The following PRKCZ variants were observed in gnomAD, a reference collection of about 807,000 sequenced individuals.
The protein encoded by PRKCZ is protein kinase C zeta type.
PRKCZ carries 33 observed loss-of-function variants against 79.5 expected under a neutral mutation model. The observed-to-expected ratio is 0.41, with a 90% CI of 0.31 to 0.55. The LOEUF is 0.55. Ranked by LOEUF, PRKCZ falls within the 20% of genes least tolerant of loss-of-function variation. The pLI, the probability that PRKCZ is intolerant of heterozygous loss-of-function variation, is 0.19. For synonymous variants in PRKCZ, 342 were observed against 320.9 expected (o/e 1.07, Z -0.70); for missense variants, 578 against 813.5 (o/e 0.71, Z 3.52).
chr1:2,102,234 A>G (rs1476979649), intron 4 of PRKCZ, among the ~76,000 whole-genome samples: 2 of 151,434 alleles, frequency 1.3e-5, no homozygotes, highest in Non-Finnish European at 2.9e-5. Flanking sequence ...CCCAGGATGG[A>G]TGGGTGGGTA....
chr1:2,086,796 G>A (rs907927909), intron 4 of PRKCZ, among the ~76,000 whole-genome samples: 4 of 152,204 alleles, frequency 2.6e-5, no homozygotes, highest in African/African-American at 9.6e-5. Flanking sequence ...CATCTGCACA[G>A]CGTGAGCCTG....
intron 4 of PRKCZ, among the ~76,000 whole-genome samples, chr1:2,084,712 G>C (rs893543800): frequency 3.2e-4 from 49 of 152,128 alleles, no homozygotes; most frequent in African/African-American, 1.2e-3. Flanking sequence ...GTGGAGGTCA[G>C]ATGTGGGGTC....
Position 2,165,027 on chromosome 1 carries a change from G to A in PRKCZ, c.975-4491G>A, listed in dbSNP as rs138285719. On this transcript the variant is annotated intron_variant, in intron 10 of 17. Coordinates refer to ENST00000378567, the MANE Select transcript of PRKCZ (RefSeq NM_002744.6). The surrounding 1 kb of genome is among the most constrained non-coding windows in gnomAD (Gnocchi z 4.1). Reference sequence around the variant, plus strand: ...GCCTTTGCACGTGAGCCCCATTGTCGCTGGGACACACTGCCCTCCAGTGCT... The same window carrying A: ...GCCTTTGCACGTGAGCCCCATTGTCACTGGGACACACTGCCCTCCAGTGCT... Among the ~76,000 whole-genome samples, 4 of 152,206 alleles carry A rather than the reference G, an allele frequency of 2.6e-5. No individual in the cohort carries two copies. Among genetic ancestry groups the A allele is most frequent in the Non-Finnish European group, 4.4e-5 (3 of 68,046 alleles).
intron 2 of PRKCZ, 44 bp from the exon 3 acceptor site, chr1:2,056,440 C>G (rs1470516072): frequency 6.4e-7 from 1 of 1,573,408 alleles, no homozygotes; most frequent in Non-Finnish European, 8.7e-7. Flanking sequence ...CCCCCTTTGC[C>G]TCGGGCCTTC....
At chr1:2,066,962 TA>T (rs1288211948) in intron 4 of PRKCZ, among the ~76,000 whole-genome samples, 3 of 152,238 alleles carry the variant, frequency 2.0e-5, no homozygotes, top group Admixed American at 6.5e-5. Flanking sequence ...GAAATGTTGA[TA>T]TGTTGTGTTT....
At position 2,104,723 on chromosome 1, in the gene PRKCZ, CG is replaced by C. The variant is rs1460879048; in HGVS notation, c.335-30538del. On this transcript the variant is annotated intron_variant, in intron 4 of 17. Transcript: ENST00000378567. Reference sequence around the variant, plus strand: ...CCCTGGCGAGGGGTGGTCAGAACATCGCTCGGTGCCAGACAGGCAGGACGCA... The same window carrying C: ...CCCTGGCGAGGGGTGGTCAGAACATCCTCGGTGCCAGACAGGCAGGACGCA... The C allele has an allele frequency of 1.5e-4, 148 of 985,722 alleles. No individual in the cohort carries two copies. In the African/African-American group the frequency reaches 2.5e-3, roughly 16 times the overall value. The allele number at this position is 985,722 out of a possible 1,614,324, so 61.1% of individuals were successfully genotyped here. A position where few individuals can be genotyped will look rare whatever the true frequency, so the allele number is the denominator to read the frequency against.
At chr1:2,157,115 G>A (rs1167809021) in intron 10 of PRKCZ, among the ~76,000 whole-genome samples, 6 of 152,206 alleles carry the variant, frequency 3.9e-5, no homozygotes, top group Non-Finnish European at 7.3e-5. Flanking sequence ...CTAGGAGCAA[G>A]GGGGCCAGAA....
rs1423487476 is a variant in PRKCZ, at chr1:2,165,992, G to A, written c.975-3526G>A. On this transcript the variant is annotated intron_variant, in intron 10 of 17. Transcript: ENST00000378567. This position sits in a 1 kb window ranked among gnomAD's most constrained non-coding sequence, Gnocchi z 4.1. ...TTTCCCATGTCTGTTGGATGGTGCC[G>A]GTTCCAGGGCAGGGTCAGGGACTGG... 2.0e-5 allele frequency among the ~76,000 whole-genome samples: 3 copies of A among 152,204 alleles called. No homozygotes were observed. The highest frequency in any genetic ancestry group is 4.8e-5 in the African/African-American group (2 of 41,466).
chr1:2,151,050 G>A (rs262669), intron 9 of PRKCZ, 72 bp downstream of exon 9: 571,542 of 1,534,376 alleles, frequency 0.37, 108,185 homozygotes, highest in South Asian at 0.42. Flanking sequence ...GGGCTTTAGC[G>A]GAATTAATCC....
chr1:2,179,517 C>A (rs1424725977), intron 16 of PRKCZ, among the ~76,000 whole-genome samples: 1 of 152,226 alleles, frequency 6.6e-6, no homozygotes, highest in Non-Finnish European at 1.5e-5. Flanking sequence ...GGTCCCAGCT[C>A]CCCACTGATG....
At position 2,064,860 on chromosome 1, in the gene PRKCZ, G is replaced by A. The variant is rs28878194; in HGVS notation, c.334+5269G>A. Among the ~76,000 whole-genome samples the A allele has an allele frequency of 0.011, 1,647 of 152,268 alleles. 137 individuals are homozygous for A. In the East Asian group the frequency reaches 0.21, roughly 19 times the overall value. On this transcript the variant is annotated intron_variant, in intron 4 of 17. Transcript: ENST00000378567. ...CCCCTGAGATTCCAGATGAATTTTA[G>A]GACAGGCTTTTCTATTTCTGCAAAA...
chr1:2,108,249 C>T (rs138109235), intron 4 of PRKCZ, among the ~76,000 whole-genome samples: 93 of 152,366 alleles, frequency 6.1e-4, no homozygotes, highest in African/African-American at 2.1e-3. Context: ...TCCTGCAGAA[C>T]CCCGGCCTCT....
In PRKCZ at chr1:2,055,447, C is replaced by T; in HGVS notation, c.78C>T (p.Ile26=). ...VRLKAHYGGD[I]FITSVDAATT... is the part of the protein sequence containing the mutation. ...CATGTCCCCTCTGCCCCAGGGACAT[C>T]TTCATCACCAGCGTGGACGCCGCCA... is the stretch of plus-strand genomic sequence containing the variant. Residue 26 remains isoleucine, a synonymous_variant, in exon 2 of 18, where the codon ATC becomes ATT. Transcript: ENST00000378567. 1 of 1,612,412 alleles carries T rather than the reference C, an allele frequency of 6.2e-7. No individual in the cohort carries two copies. Among genetic ancestry groups the T allele is most frequent in the Non-Finnish European group, 8.5e-7 (1 of 1,178,976 alleles).
chr1:2,150,734 C>CT, intron 8 of PRKCZ, 56 bp from the exon 9 acceptor site: 1 of 1,540,156 alleles, frequency 6.5e-7, no homozygotes. Context: ...GCGTGGTCCT[C>CT]TGAGTCTCCC....
intron 1 of PRKCZ, 42 bp downstream of exon 1, chr1:2,050,743 G>T (rs915865034): frequency 1.9e-6 from 2 of 1,049,600 alleles, no homozygotes; most frequent in East Asian, 6.5e-5. Flanking sequence ...GGTGAGGCAG[G>T]GAGGGCGGGG....
At chr1:2,139,311 C>G (rs1013799209) in intron 5 of PRKCZ, among the ~76,000 whole-genome samples, 1 of 152,278 alleles carries the variant, frequency 6.6e-6, no homozygotes, top group East Asian at 1.9e-4. Context: ...TAAAGCCGGC[C>G]GGGCGTGGTG....
At chr1:2,090,608 A>G (rs1253736427) in intron 4 of PRKCZ, among the ~76,000 whole-genome samples, 1 of 152,172 alleles carries the variant, frequency 6.6e-6, no homozygotes, top group Non-Finnish European at 1.5e-5. Context: ...TGCTTCTCCA[A>G]GGAGGCCCCG....
rs1190991183 is a variant in PRKCZ at position 2,115,541 on chromosome 1, G to A, written c.335-19721G>A. Among the ~76,000 whole-genome samples the A allele has an allele frequency of 2.0e-5, 3 of 152,176 alleles. 1 individual carries two copies. The highest frequency in any genetic ancestry group is 4.4e-5 in the Non-Finnish European group (3 of 68,040). ...TCAGCTCTGACATCAATTACCTGAC[G>A]TTAGCGCAGACCCTGCAGATGAAGG... On this transcript the variant is annotated intron_variant, in intron 4 of 17. Transcript: ENST00000378567.
chr1:2,051,424 G>T (rs757632587), intron 1 of PRKCZ, among the ~76,000 whole-genome samples: 43 of 152,330 alleles, frequency 2.8e-4, no homozygotes, highest in Non-Finnish European at 2.6e-4. Flanking sequence ...GCTGCCCCCC[G>T]AAGTGTGGGC....
Sources: allele counts gnomAD v4.1 joint callset (sites outside exome capture counted in the v4.1 genomes callset), GRCh38; gene constraint gnomAD v4.1.1; non-coding constraint Gnocchi (gnomAD v3.1); transcripts MANE v1.5; gene names NCBI Gene and HGNC (gene_info 2026-07-23, HGNC 2026-07-21).